STRA8: variants seen among roughly 807,000 people sequenced by gnomAD.
The protein encoded by STRA8 is stimulated by retinoic acid gene 8 protein homolog.
Under a neutral mutation model 37.1 loss-of-function variants are expected in STRA8, and 18 were observed. The ratio of observed to expected loss-of-function variants is 0.48; its 90% CI spans 0.34 to 0.72. The LOEUF (loss-of-function observed/expected upper bound fraction) is 0.72, where lower values mean the gene tolerates loss of function less well. STRA8 is among the 30% of genes least tolerant of loss of function. The probability of loss-of-function intolerance (pLI) is 0.01; values close to 1 mark genes in which losing one functional copy is unlikely to be tolerated. For missense variants in STRA8, 357 were observed against 410.4 expected, an observed-to-expected ratio of 0.87 and a Z score of 1.13; for synonymous variants, 168 against 162.9, an observed-to-expected ratio of 1.03 and a Z score of -0.24.
At chr7:135,240,404 G>A (rs2117791632) in intron 1 of STRA8, 115 bp from the exon 2 acceptor site, 2 of 935,570 alleles carry the variant, frequency 2.1e-6, no homozygotes, top group Non-Finnish European at 1.6e-6. Flanking sequence ...TGAATTTGGG[G>A]CCTTTACTTG....
chr7:135,257,961 G>A (rs535895065), intron 8 of STRA8, among the ~76,000 whole-genome samples: 4 of 152,224 alleles, frequency 2.6e-5, no homozygotes, highest in South Asian at 2.1e-4. Context: ...AGTAGCCTAC[G>A]GTACACATTG....
chr7:135,233,356 C>T (rs558635769), upstream of STRA8, among the ~76,000 whole-genome samples: 4 of 152,152 alleles, frequency 2.6e-5, no homozygotes, highest in African/African-American at 7.2e-5. Context: ...TCCTTCATGC[C>T]GTTTTCTCAT....
intron 8 of STRA8, among the ~76,000 whole-genome samples, chr7:135,257,518 A>G (rs66698694): frequency 0.38 from 57,953 of 151,596 alleles, 12,778 homozygotes; most frequent in African/African-American, 0.62. Flanking sequence ...TCTGCCTCCC[A>G]GGTTCAAGTG....
chr7:135,244,409 AT>A (rs1366479483), intron 4 of STRA8, among the ~76,000 whole-genome samples: 1 of 152,208 alleles, frequency 6.6e-6, no homozygotes, highest in Non-Finnish European at 1.5e-5. Flanking sequence ...TCCTCTAAGT[AT>A]AAAGAGATCC....
At chr7:135,247,453 C>T (rs1455312517) in intron 6 of STRA8, among the ~76,000 whole-genome samples, 1 of 152,234 alleles carries the variant, frequency 6.6e-6, no homozygotes, top group Non-Finnish European at 1.5e-5. Context: ...GGAATGGCAG[C>T]TAGAGCAATC....
intron 8 of STRA8, among the ~76,000 whole-genome samples, 180 bp downstream of exon 8, chr7:135,255,405 C>T (rs932682946): frequency 1.3e-5 from 2 of 152,276 alleles, no homozygotes; most frequent in South Asian, 2.1e-4. Flanking sequence ...CTGATGCATC[C>T]TGTAGAATGA....
intron 8 of STRA8, 118 bp downstream of exon 8, chr7:135,255,343 C>A: frequency 2.9e-6 from 2 of 701,620 alleles, no homozygotes; most frequent in Non-Finnish European, 4.9e-6. Flanking sequence ...AGCCACTGGG[C>A]AGGGACACTC....
intron 3 of STRA8, 121 bp downstream of exon 3, chr7:135,242,977 G>A (rs1183469716): frequency 2.0e-5 from 22 of 1,105,948 alleles, no homozygotes; most frequent in Non-Finnish European, 2.7e-5. Context: ...GGCCTACTGT[G>A]TGCCAGGAAC....
intron 1 of STRA8, among the ~76,000 whole-genome samples, chr7:135,235,287 G>C (rs1477002389): frequency 6.6e-6 from 1 of 152,030 alleles, no homozygotes; most frequent in Non-Finnish European, 1.5e-5. Context: ...CAGAGAGAGT[G>C]TTCAGTAAAC....
At chr7:135,235,624 A>G (rs1376747320) in intron 1 of STRA8, among the ~76,000 whole-genome samples, 1 of 151,950 alleles carries the variant, frequency 6.6e-6, no homozygotes, top group Non-Finnish European at 1.5e-5. Context: ...TATTTTTAGT[A>G]AGAGACGGGG....
At chr7:135,232,082 T>C (rs2117775575), upstream of STRA8, 1 of 1,592,178 alleles carries the variant, frequency 6.3e-7, no homozygotes, top group East Asian at 2.2e-5. Context: ...ACTACATTTT[T>C]TCTGGGTGCA....
At chr7:135,251,926 G>C (rs369344039) in intron 7 of STRA8, 57 bp downstream of exon 7, 468 of 1,512,816 alleles carry the variant, frequency 3.1e-4, no homozygotes, top group Middle Eastern at 1.6e-3. Context: ...GTGAGATTGT[G>C]TGTGCGCAGG....
At chr7:135,255,860 AG>A (rs1471242043) in intron 8 of STRA8, among the ~76,000 whole-genome samples, 1 of 152,236 alleles carries the variant, frequency 6.6e-6, no homozygotes, top group East Asian at 1.9e-4. Context: ...GACTCTCAGC[AG>A]GCATTCATAA....
At chr7:135,247,300 G>C (rs1352338658) in intron 6 of STRA8, 1 of 152,322 alleles carries the variant, frequency 6.6e-6, no homozygotes, top group Non-Finnish European at 1.5e-5. Flanking sequence ...ATTAAACCAC[G>C]AAGAAATGCA....
At position 135,258,494 on chromosome 7, in the gene STRA8, G is replaced by A; in HGVS notation, c.*2G>A. On this transcript the variant is annotated 3_prime_UTR_variant, in exon 9 of 9. Transcript: ENST00000662584. ...ACCTTTGACGATGAAGATTTGTAAT[G>A]CAGAAGAGGAGCTGCGAGGGGAGGG... 2 of 1,593,582 alleles carry A rather than the reference G, an allele frequency of 1.3e-6. No homozygotes were observed. The highest frequency in any genetic ancestry group is 1.7e-6 in the Non-Finnish European group (2 of 1,169,136).
intron 2 of STRA8, 43 bp downstream of exon 2, chr7:135,240,759 A>T (rs1832452545): frequency 6.2e-7 from 1 of 1,604,208 alleles, no homozygotes; most frequent in Non-Finnish European, 8.5e-7. Context: ...TCCACGGGGA[A>T]GGAGACGTTT....
intron 6 of STRA8, among the ~76,000 whole-genome samples, chr7:135,247,634 C>T (rs1002340069): frequency 6.6e-6 from 1 of 152,266 alleles, no homozygotes; most frequent in Non-Finnish European, 1.5e-5. Flanking sequence ...GGGAATCACA[C>T]TTGGACCAAT....
chr7:135,236,278 ATGTGTG>A (rs57585247), intron 1 of STRA8, among the ~76,000 whole-genome samples: 6 of 137,934 alleles, frequency 4.3e-5, no homozygotes, highest in East Asian at 2.2e-4. Context: ...GTGTGTGTGT[ATGTGTG>A]TGTGTGTGTG....
At chr7:135,251,925 T>G in intron 7 of STRA8, 56 bp downstream of exon 7, 1 of 1,542,984 alleles carries the variant, frequency 6.5e-7, no homozygotes, top group South Asian at 1.1e-5. Context: ...TGTGAGATTG[T>G]GTGTGCGCAG....
Sources: gnomAD v4.1 joint callset for allele counts (sites outside exome capture counted in the v4.1 genomes callset) on GRCh38, gnomAD v4.1.1 for gene constraint, MANE v1.5 for transcripts, NCBI Gene and HGNC (gene_info 2026-07-23, HGNC 2026-07-21) for gene names.